NAALADL2: variants seen among roughly 807,000 people sequenced by gnomAD.
NAALADL2 encodes the protein N-acetylated alpha-linked acidic dipeptidase like 2, also known as inactive N-acetylated-alpha-linked acidic dipeptidase-like protein 2.
A neutral mutation model predicts 87.2 loss-of-function variants in NAALADL2; 76 were observed. The ratio of observed to expected loss-of-function variants is 0.87; its 90% CI spans 0.72 to 1.05. NAALADL2 has a LOEUF of 1.05. Ranked by LOEUF, NAALADL2 falls within the 50% of genes least tolerant of loss-of-function variation. NAALADL2 has a pLI of 0.00. For synonymous variants in NAALADL2, 354 were observed against 331.0 expected (o/e 1.07, Z -0.75); for missense variants, 1,089 against 945.8 (o/e 1.15, Z -1.99).
intron 1 of NAALADL2, among the ~76,000 whole-genome samples, chr3:174,461,097 T>C (rs1373385212): frequency 6.6e-6 from 1 of 152,072 alleles, no homozygotes; most frequent in Admixed American, 6.6e-5. Context: ...TTGAGGGCCA[T>C]AAGTATGCTT....
intron 12 of NAALADL2, among the ~76,000 whole-genome samples, chr3:175,746,510 G>A (rs1745965024): frequency 6.6e-6 from 1 of 152,098 alleles, no homozygotes; most frequent in South Asian, 2.1e-4. Flanking sequence ...GGCCTGGCCA[G>A]TAGATAATGA....
At position 174,667,942 on chromosome 3, in the gene NAALADL2, T is replaced by C. The variant is rs552574228; in HGVS notation, c.-114-69699T>C. ...TACTTTTACTTTTTTGAGAAATCTT[T>C]ATTTTTTTTATGATAGCAGCTGCAC... On this transcript the variant is annotated intron_variant, in intron 2 of 3. Coordinates refer to the NAALADL2 transcript ENST00000434257. Among the ~76,000 whole-genome samples, 26 of 152,152 alleles carry C rather than the reference T, an allele frequency of 1.7e-4. No individual in the cohort carries two copies. The South Asian group carries it at 5.0e-3, about 29-fold the overall frequency.
chr3:175,699,208 T>C (rs959799586), intron 11 of NAALADL2, among the ~76,000 whole-genome samples: 9 of 152,010 alleles, frequency 5.9e-5, no homozygotes, highest in Non-Finnish European at 4.4e-5. Context: ...CATTAGTTTA[T>C]AAGCTCAGGA....
intron 1 of NAALADL2, among the ~76,000 whole-genome samples, chr3:174,451,392 A>G (rs1389934588): frequency 6.6e-6 from 1 of 152,182 alleles, no homozygotes; most frequent in Non-Finnish European, 1.5e-5. Context: ...TAAAAATCTA[A>G]TTGTGTGGGT....
At chr3:174,714,426 C>G (rs1187895371) in intron 2 of NAALADL2, among the ~76,000 whole-genome samples, 1 of 152,058 alleles carries the variant, frequency 6.6e-6, no homozygotes, top group Non-Finnish European at 1.5e-5. Context: ...ATTCTTCCTA[C>G]CCATGAGCAT....
At chr3:175,509,031 G>T (rs1440767664) in intron 9 of NAALADL2, among the ~76,000 whole-genome samples, 1 of 151,582 alleles carries the variant, frequency 6.6e-6, no homozygotes, top group Non-Finnish European at 1.5e-5. Context: ...CAGGAGAATC[G>T]CTTGAACCCA....
chr3:175,265,612 T>C (rs1238998215), intron 4 of NAALADL2, among the ~76,000 whole-genome samples: 4 of 151,606 alleles, frequency 2.6e-5, no homozygotes, highest in South Asian at 4.1e-4. Context: ...ATAAAATATG[T>C]GGAGGCAGAA....
chr3:175,686,551 T>C (rs1434513623), intron 11 of NAALADL2, among the ~76,000 whole-genome samples: 1 of 152,078 alleles, frequency 6.6e-6, no homozygotes, highest in East Asian at 1.9e-4. Context: ...AATACTCTTT[T>C]AGGTAAAGAA....
chr3:174,763,502 G>A (rs549141461), intron 3 of NAALADL2, among the ~76,000 whole-genome samples: 12 of 143,754 alleles, frequency 8.3e-5, no homozygotes, highest in South Asian at 6.6e-4. Context: ...CAGGAGAATC[G>A]CTTGAACCCA....
chr3:175,790,352 C>CT (rs1433273819), intron 13 of NAALADL2, among the ~76,000 whole-genome samples: 1 of 151,988 alleles, frequency 6.6e-6, no homozygotes, highest in East Asian at 1.9e-4. Flanking sequence ...AAGATGATAC[C>CT]TATTTGCCTT....
At chr3:174,456,548 A>C (rs1232767923) in intron 1 of NAALADL2, among the ~76,000 whole-genome samples, 5 of 152,088 alleles carry the variant, frequency 3.3e-5, no homozygotes, top group African/African-American at 4.8e-5. Flanking sequence ...AAAATAGCCC[A>C]GAAATAAGGC....
chr3:175,211,598 A>G (rs1741775702), intron 2 of NAALADL2, among the ~76,000 whole-genome samples: 1 of 151,956 alleles, frequency 6.6e-6, no homozygotes, highest in African/African-American at 2.4e-5. Context: ...ATTGTCATTC[A>G]TATTTATATA....
intron 2 of NAALADL2, among the ~76,000 whole-genome samples, chr3:175,224,856 G>T (rs550243522): frequency 6.6e-6 from 1 of 151,912 alleles, no homozygotes; most frequent in Non-Finnish European, 1.5e-5. Context: ...TATAATTTTC[G>T]TTTTTGTTTT....
At chr3:175,271,122 A>G (rs2110007410) in intron 4 of NAALADL2, 1 of 152,310 alleles carries the variant, frequency 6.6e-6, no homozygotes, top group Admixed American at 6.5e-5. Context: ...GGATATGAGT[A>G]GTTTGGCAAT....
intron 2 of NAALADL2, among the ~76,000 whole-genome samples, chr3:174,675,215 GA>G (rs1726932788): frequency 6.6e-6 from 1 of 152,038 alleles, no homozygotes; most frequent in Admixed American, 6.6e-5. Context: ...CCAATTTAGT[GA>G]GGAAAAACAC....
At chr3:175,482,573 C>A (rs937286760) in intron 9 of NAALADL2, among the ~76,000 whole-genome samples, 1 of 151,850 alleles carries the variant, frequency 6.6e-6, no homozygotes, top group South Asian at 2.1e-4. Context: ...CTCAAAAGAT[C>A]TTCTCATCAT....
At chr3:174,576,025 G>A (rs1715492062) in intron 2 of NAALADL2, among the ~76,000 whole-genome samples, 2 of 151,958 alleles carry the variant, frequency 1.3e-5, no homozygotes, top group Non-Finnish European at 2.9e-5. Context: ...CACCATGCCT[G>A]GCTAATTTTG....
intron 2 of NAALADL2, among the ~76,000 whole-genome samples, chr3:175,200,211 A>T (rs1739819306): frequency 6.6e-6 from 1 of 151,994 alleles, no homozygotes; most frequent in Non-Finnish European, 1.5e-5. Flanking sequence ...ATGTTTGAAA[A>T]GGGTATGCCT....
At chr3:174,669,026 A>G (rs2108797295) in intron 2 of NAALADL2, among the ~76,000 whole-genome samples, 1 of 152,270 alleles carries the variant, frequency 6.6e-6, no homozygotes, top group South Asian at 2.1e-4. Flanking sequence ...ACTAGTTTAT[A>G]GTCCCACCAA....
Sources: allele counts gnomAD v4.1 joint callset (sites outside exome capture counted in the v4.1 genomes callset), GRCh38; gene constraint gnomAD v4.1.1; transcripts MANE v1.5; gene names NCBI Gene and HGNC (gene_info 2026-07-23, HGNC 2026-07-21).